The following CDH18 variants were observed in gnomAD, a reference collection of about 807,000 sequenced individuals.
CDH18 encodes the protein cadherin 18.
A neutral mutation model predicts 67.9 loss-of-function variants in CDH18; 31 were observed. The ratio of observed to expected loss-of-function variants is 0.46; its 90% CI spans 0.34 to 0.62. The LOEUF (loss-of-function observed/expected upper bound fraction) is 0.62. CDH18 is among the 20% of genes least tolerant of loss of function. CDH18 has a pLI of 0.01. For synonymous variants in CDH18, 362 were observed against 347.2 expected (o/e 1.04, Z -0.48); for missense variants, 890 against 975.5 (o/e 0.91, Z 1.17).
chr5:19,720,644 G>A (rs916977814), intron 5 of CDH18, among the ~76,000 whole-genome samples: 7 of 152,006 alleles, frequency 4.6e-5, no homozygotes, highest in African/African-American at 1.5e-4. Context: ...TGATATGACA[G>A]GATATAACTG....
At chr5:19,938,839 T>TA (rs1440182823) in intron 2 of CDH18, among the ~76,000 whole-genome samples, 4 of 151,622 alleles carry the variant, frequency 2.6e-5, no homozygotes, top group African/African-American at 9.6e-5. Context: ...TTAATGTACT[T>TA]AAATACATTT....
chr5:19,483,344 T>C lies in CDH18; in HGVS notation c.1839A>G (p.Thr613=). ...EAFLSSAGLS[T]GALIAILLCV... is the part of the protein sequence containing the mutation. ...AGAGAAGAATAGCGATTAAGGCTCC[T>C]GTACTCAAACCAGCCGAGGACAGGA... The change falls in exon 12 of 13, where the codon ACA becomes ACG. Residue 613 remains threonine (T), a synonymous_variant. Transcript: ENST00000382275. 6.2e-7 allele frequency: 1 copy of C among 1,614,124 alleles called. No homozygotes were observed. The highest frequency in any genetic ancestry group is 8.5e-7 in the Non-Finnish European group (1 of 1,179,996).
chr5:20,391,201 G>GAT (rs1267660866), intron 1 of CDH18, among the ~76,000 whole-genome samples: 7 of 151,944 alleles, frequency 4.6e-5, no homozygotes, highest in East Asian at 3.9e-4. Context: ...ATAACATAAA[G>GAT]ATATATATAA....
rs901773186 is a variant in CDH18, at chr5:19,634,949, A to G, written c.644-22348T>C. Among the ~76,000 whole-genome samples, 7 of 151,952 alleles carry G rather than the reference A, an allele frequency of 4.6e-5. No homozygotes were observed. In the South Asian group the frequency reaches 8.3e-4, roughly 18 times the overall value. The stretch of plus-strand genomic sequence containing the variant: ...CTAAACTGCATCTCAAAAAAAAAAA[A>G]AAAGAAAGAAAAAAAAGAATGTATT... On this transcript the variant is annotated intron_variant, in intron 5 of 12. Transcript: ENST00000382275.
chr5:19,937,643 C>T (rs1794417812), intron 2 of CDH18, among the ~76,000 whole-genome samples: 1 of 151,266 alleles, frequency 6.6e-6, no homozygotes, highest in Non-Finnish European at 1.5e-5. Flanking sequence ...TATAACCGAA[C>T]AATACCTAGC....
chr5:19,659,405 TAAAC>T (rs772953775), intron 5 of CDH18, among the ~76,000 whole-genome samples: 1 of 152,128 alleles, frequency 6.6e-6, no homozygotes, highest in Non-Finnish European at 1.5e-5. Flanking sequence ...GATCTCATAT[TAAAC>T]AAATAGTAAA....
chr5:20,041,224 A>G (rs556431569), intron 2 of CDH18, among the ~76,000 whole-genome samples: 3 of 152,326 alleles, frequency 2.0e-5, no homozygotes, highest in Admixed American at 6.5e-5. Flanking sequence ...CATAACACCA[A>G]TATGCTATAT....
At position 19,502,985 on chromosome 5, in the gene CDH18, T is replaced by C. The variant is rs1743511295; in HGVS notation, c.1630+7A>G. On this transcript the variant is annotated splice_region_variant and intron_variant, in intron 11 of 12. Coordinates refer to ENST00000382275, the MANE Select transcript of CDH18 (RefSeq NM_004934.5). ...ATAGATAAACAAATATGTGTATATA[T>C]GTTCACCTTCATTGTCCTTCAGAGT... 1 of 1,477,794 alleles carries C rather than the reference T, an allele frequency of 6.8e-7. No homozygotes were observed. Among genetic ancestry groups the C allele is most frequent in the Non-Finnish European group, 9.5e-7 (1 of 1,056,084 alleles). 91.5% of individuals were successfully genotyped at this position (1,477,794 alleles called of 1,614,324 possible). A position where few individuals can be genotyped will look rare whatever the true frequency, so the allele number is the denominator to read the frequency against.
At chr5:19,921,668 G>T (rs1318956712) in intron 2 of CDH18, among the ~76,000 whole-genome samples, 1 of 151,804 alleles carries the variant, frequency 6.6e-6, no homozygotes, top group Non-Finnish European at 1.5e-5. Flanking sequence ...ATAAAAATGA[G>T]ACAAGTATAT....
At position 19,757,932 on chromosome 5, in the gene CDH18, T is replaced by C. The variant is rs1771823816; in HGVS notation, c.229-10696A>G. 2.0e-5 allele frequency among the ~76,000 whole-genome samples: 3 copies of C among 152,204 alleles called. No homozygotes were observed. The South Asian group carries it at 6.2e-4, about 31-fold the overall frequency. ...AAAAGGGGCTGTAGTGGTGCAGCTG[T>C]CCACTTTTGGGTGGTGCCTGAATAT... On this transcript the variant is annotated intron_variant, in intron 3 of 12. Coordinates refer to ENST00000382275, the MANE Select transcript of CDH18 (RefSeq NM_004934.5).
intron 2 of CDH18, chr5:19,886,071 A>T (rs1788159607): frequency 6.6e-6 from 1 of 152,190 alleles, no homozygotes; most frequent in Non-Finnish European, 1.5e-5. Context: ...TTCTTCTTAA[A>T]GCAAAAAAGT....
chr5:20,109,422 TA>T (rs529483219), intron 2 of CDH18, among the ~76,000 whole-genome samples: 132 of 152,302 alleles, frequency 8.7e-4, no homozygotes, highest in Non-Finnish European at 1.6e-3. Context: ...GACTGAAGGA[TA>T]AAAATGATCT....
At chr5:20,441,899 T>C (rs1464269212) in intron 1 of CDH18, among the ~76,000 whole-genome samples, 1 of 151,742 alleles carries the variant, frequency 6.6e-6, no homozygotes, top group Non-Finnish European at 1.5e-5. Flanking sequence ...ACCAATAAAA[T>C]GATTATTAAA....
Position 19,959,377 on chromosome 5 carries a change from A to T in CDH18, c.-257+21683T>A, listed in dbSNP as rs1451176800. On this transcript the variant is annotated intron_variant, in intron 2 of 12. Transcript: ENST00000382275. ...TATATTTAGTTATGGGAATTTTAAA[A>T]AATGCAAATAAGGGGTACAATATTA... Among the ~76,000 whole-genome samples, 3 of 152,076 alleles carry T rather than the reference A, an allele frequency of 2.0e-5. No individual in the cohort carries two copies. The East Asian group carries it at 5.8e-4, about 29-fold the overall frequency.
intron 3 of CDH18, among the ~76,000 whole-genome samples, chr5:19,790,740 A>C (rs2149812551): frequency 6.6e-6 from 1 of 152,250 alleles, no homozygotes; most frequent in East Asian, 1.9e-4. Context: ...TGGATAAGGA[A>C]GAGTTTATAC....
intron 2 of CDH18, among the ~76,000 whole-genome samples, chr5:19,847,580 T>A (rs1783141274): frequency 6.6e-6 from 1 of 152,128 alleles, no homozygotes; most frequent in Non-Finnish European, 1.5e-5. Flanking sequence ...ACTTCCATTT[T>A]TAGGGTTAGT....
intron 5 of CDH18, among the ~76,000 whole-genome samples, chr5:19,645,148 T>C (rs1259821567): frequency 6.6e-6 from 1 of 152,244 alleles, no homozygotes; most frequent in East Asian, 1.9e-4. Context: ...AATACTGCTG[T>C]TGCTTTCAAA....
At chr5:20,088,794 C>A (rs1191323842) in intron 2 of CDH18, among the ~76,000 whole-genome samples, 2 of 152,168 alleles carry the variant, frequency 1.3e-5, no homozygotes, top group African/African-American at 2.4e-5. Flanking sequence ...TATACATGAA[C>A]AAGGAACATT....
At chr5:19,541,917 T>C (rs1222516473) in intron 9 of CDH18, among the ~76,000 whole-genome samples, 1 of 152,202 alleles carries the variant, frequency 6.6e-6, no homozygotes, top group Non-Finnish European at 1.5e-5. Flanking sequence ...GTCCTTATTA[T>C]TTAACCGCCA....
Sources: gnomAD v4.1 joint callset for allele counts (sites outside exome capture counted in the v4.1 genomes callset) on GRCh38, gnomAD v4.1.1 for gene constraint, MANE v1.5 for transcripts, NCBI Gene and HGNC (gene_info 2026-07-23, HGNC 2026-07-21) for gene names.